Variants in MRTFA observed in about 807,000 individuals in gnomAD.
MRTFA encodes the protein myocardin-related transcription factor A.
Under a neutral mutation model 83.5 loss-of-function variants are expected in MRTFA, and 20 were observed. The ratio of observed to expected loss-of-function variants is 0.24; its 90% CI spans 0.17 to 0.35. The LOEUF (loss-of-function observed/expected upper bound fraction) is 0.35, where lower values mean the gene tolerates loss of function less well. Ranked by LOEUF, MRTFA falls within the 10% of genes least tolerant of loss-of-function variation. MRTFA has a pLI of 1.00. For missense variants in MRTFA, 1,200 were observed against 1,224.7 expected (o/e 0.98, Z 0.30); for synonymous variants, 659 against 541.2 (o/e 1.22, Z -3.02).
At chr22:40,629,421 G>C (rs1386538649) in intron 1 of MRTFA, among the ~76,000 whole-genome samples, 2 of 149,880 alleles carry the variant, frequency 1.3e-5, no homozygotes, top group Non-Finnish European at 3.0e-5. Flanking sequence ...ACTCCAGCCT[G>C]GTCAACAGAG....
chr22:40,417,194 C>T (rs559808605), intron 13 of MRTFA, 147 bp downstream of exon 13: 1 of 1,354,292 alleles, frequency 7.4e-7, no homozygotes, highest in Non-Finnish European at 1.0e-6. Flanking sequence ...TGGAGCCCGT[C>T]CCCTAACAAC....
At chr22:40,462,142 C>T (rs1198877339) in intron 4 of MRTFA, among the ~76,000 whole-genome samples, 2 of 152,206 alleles carry the variant, frequency 1.3e-5, no homozygotes, top group Non-Finnish European at 2.9e-5. Context: ...CTTATTAACA[C>T]ACCAATCAGT....
In MRTFA at chr22:40,419,087, G is replaced by C. The variant is rs752603698; in HGVS notation, c.1651C>G (p.Pro551Ala). Reference sequence around the variant, plus strand: ...TCCGAGGGGGTGGGAGACACGGGGGGCGTGGAGCCCGTGCTGCCAAACTTC... The same window carrying C: ...TCCGAGGGGGTGGGAGACACGGGGGCCGTGGAGCCCGTGCTGCCAAACTTC... Residue 551 changes from proline to alanine, a missense_variant, in exon 12 of 15, where the codon CCC becomes GCC. By Grantham distance (27) the Pro-to-Ala change is conservative (BLOSUM62 -1). Around this residue, in one of 2 missense-constraint regions of MRTFA, gnomAD observed 1,107 missense variants for 1,041.8 expected, o/e 1.06. Transcript: ENST00000355630. 5.0e-6 allele frequency: 8 copies of C among 1,603,440 alleles called. No homozygotes were observed. Among genetic ancestry groups the C allele is most frequent in the Admixed American group, 3.4e-5 (2 of 58,768 alleles).
At chr22:40,545,741 CT>C (rs112149749) in intron 3 of MRTFA, among the ~76,000 whole-genome samples, 2 of 125,120 alleles carry the variant, frequency 1.6e-5, no homozygotes, top group Admixed American at 8.3e-5. Flanking sequence ...CCATTTTTTT[CT>C]TTTTTTTTGA....
At chr22:40,430,892 A>G (rs924226013) in intron 6 of MRTFA, among the ~76,000 whole-genome samples, 66 of 147,554 alleles carry the variant, frequency 4.5e-4, no homozygotes, top group African/African-American at 1.6e-3. Context: ...GCGGGGGAAG[A>G]AAAAAAAAAG....
intron 4 of MRTFA, among the ~76,000 whole-genome samples, chr22:40,457,152 G>A (rs1397278270): frequency 6.6e-6 from 1 of 152,112 alleles, no homozygotes; most frequent in Non-Finnish European, 1.5e-5. Context: ...ATCACCTGAG[G>A]TCAGGAGTTC....
chr22:40,587,888 T>C (rs151289772), intron 2 of MRTFA: 98 of 429,992 alleles, frequency 2.3e-4, no homozygotes, highest in Non-Finnish European at 3.5e-4. Flanking sequence ...GTGAACAAAG[T>C]TCACAATATC....
rs145771177 is a variant in MRTFA at position 40,520,454 on chromosome 22, A to G, written c.241+31652T>C. Among the ~76,000 whole-genome samples the G allele has an allele frequency of 1.2e-4, 18 of 152,000 alleles. No homozygotes were observed. The East Asian group carries it at 3.3e-3, about 28-fold the overall frequency. On this transcript the variant is annotated intron_variant, in intron 3 of 14. Transcript: ENST00000355630. Reference sequence around the variant, plus strand: ...CGAGTCTCGTTCTGTCACCCAGGCTAGAGTGCAAGTGGCTTGATCCCCGTT... The same window carrying G: ...CGAGTCTCGTTCTGTCACCCAGGCTGGAGTGCAAGTGGCTTGATCCCCGTT...
intron 1 of MRTFA, among the ~76,000 whole-genome samples, chr22:40,626,453 C>A (rs1184563037): frequency 2.0e-5 from 3 of 152,060 alleles, no homozygotes; most frequent in Non-Finnish European, 4.4e-5. Context: ...GCGCCGCGCC[C>A]GGTTATTTTT....
chr22:40,616,048 A>T (rs2056446561), intron 1 of MRTFA, among the ~76,000 whole-genome samples: 1 of 152,218 alleles, frequency 6.6e-6, no homozygotes, highest in Non-Finnish European at 1.5e-5. Context: ...ATTTATCCCT[A>T]AGTATACACA....
intron 4 of MRTFA, among the ~76,000 whole-genome samples, chr22:40,449,334 G>T (rs1016336179): frequency 1.3e-5 from 2 of 151,250 alleles, no homozygotes; most frequent in African/African-American, 2.4e-5. Flanking sequence ...CTTGAATCAT[G>T]GGGACAGGGC....
intron 3 of MRTFA, among the ~76,000 whole-genome samples, chr22:40,467,015 C>G (rs2053822284): frequency 6.6e-6 from 1 of 151,810 alleles, no homozygotes; most frequent in Admixed American, 6.6e-5. Flanking sequence ...AGCTCCAGTA[C>G]AAAGACGAAA....
intron 3 of MRTFA, chr22:40,533,791 T>C: frequency 2.4e-6 from 1 of 417,808 alleles, no homozygotes; most frequent in Non-Finnish European, 4.1e-6. Context: ...GTTACCAATT[T>C]ATCCACCCTT....
intron 1 of MRTFA, among the ~76,000 whole-genome samples, chr22:40,604,637 CTCAGGAGGCTGAG>C (rs1275380699): frequency 6.6e-6 from 1 of 151,962 alleles, no homozygotes; most frequent in Non-Finnish European, 1.5e-5. Context: ...ATCCCAGCTA[CTCAGGAGGCTGAG>C]GCAGGAGAAT....
intron 14 of MRTFA, among the ~76,000 whole-genome samples, chr22:40,413,497 A>G (rs535756506): frequency 6.6e-6 from 1 of 151,992 alleles, no homozygotes; most frequent in African/African-American, 2.4e-5. Flanking sequence ...ATGCCTGGCT[A>G]ATTTTTTCAC....
At chr22:40,623,105 G>C (rs1043284885) in intron 1 of MRTFA, among the ~76,000 whole-genome samples, 13 of 152,086 alleles carry the variant, frequency 8.5e-5, no homozygotes, top group Non-Finnish European at 1.5e-4. Context: ...AAACTGTTTT[G>C]GTAGAATTGG....
intron 3 of MRTFA, chr22:40,526,480 A>C (rs762379535): frequency 3.3e-5 from 5 of 152,212 alleles, no homozygotes; most frequent in Non-Finnish European, 1.5e-5. Context: ...AACAAAGCCA[A>C]TATGGTTGGG....
chr22:40,431,844 C>T (rs1052652834), intron 5 of MRTFA, among the ~76,000 whole-genome samples: 9 of 152,230 alleles, frequency 5.9e-5, no homozygotes, highest in Non-Finnish European at 1.2e-4. Context: ...ATCAGCCACT[C>T]TTAGTATTCT....
chr22:40,519,101 T>G (rs2054814833), intron 3 of MRTFA, among the ~76,000 whole-genome samples: 1 of 151,226 alleles, frequency 6.6e-6, no homozygotes, highest in Non-Finnish European at 1.5e-5. Context: ...AACCTCTGCC[T>G]CCCGGTCTCA....
Sources: gnomAD v4.1 joint callset for allele counts (sites outside exome capture counted in the v4.1 genomes callset) on GRCh38, gnomAD v4.1.1 for gene constraint, gnomAD v4.1.1 regional missense constraint, MANE v1.5 for transcripts, NCBI Gene and HGNC (gene_info 2026-07-23, HGNC 2026-07-21) for gene names.